CACNA2D4: variants seen among roughly 807,000 people sequenced by gnomAD.
CACNA2D4 encodes the protein calcium voltage-gated channel auxiliary subunit alpha2delta 4.
Under a neutral mutation model 163.8 loss-of-function variants are expected in CACNA2D4, and 157 were observed. The observed-to-expected ratio is 0.96, with a 90% CI of 0.84 to 1.09. The LOEUF (loss-of-function observed/expected upper bound fraction) is 1.09, where lower values mean the gene tolerates loss of function less well. Ranked by LOEUF, CACNA2D4 falls within the 50% of genes least tolerant of loss-of-function variation. The pLI is 0.00. For missense variants in CACNA2D4, 1,410 were observed against 1,479.9 expected (o/e 0.95, Z 0.78); for synonymous variants, 598 against 586.9 (o/e 1.02, Z -0.27).
rs758168 is a variant in CACNA2D4 at position 1,799,266 on chromosome 12, C to T, written c.2995+409G>A. Among the ~76,000 whole-genome samples the T allele has an allele frequency of 0.57, 87,266 of 152,026 alleles. 26,312 individuals carry two copies. Among genetic ancestry groups the T allele is most frequent in the Non-Finnish European group, 0.69 (46,689 of 67,960 alleles). ...GACTCTGTCCTCAGACACAGGGTCCCGCAGGGGAATCATCCTGAGAGCTTC... is the reference window on the plus strand; with the variant it reads ...GACTCTGTCCTCAGACACAGGGTCCTGCAGGGGAATCATCCTGAGAGCTTC... On this transcript the variant is annotated intron_variant, in intron 34 of 37. Transcript: ENST00000382722. The surrounding 1 kb of genome is among the most constrained non-coding windows in gnomAD (Gnocchi z 4.7).
Position 1,829,344 on chromosome 12 carries a change from G to A in CACNA2D4, c.2551+11395C>T, listed in dbSNP as rs77732151. ...AAGAATGCTGATTTTCAAATGGCTT[G>A]GGGTGGTGGTATGGGGCTGGCTGAT... On this transcript the variant is annotated intron_variant, in intron 26 of 37. Coordinates refer to ENST00000382722, the MANE Select transcript of CACNA2D4 (RefSeq NM_172364.5). This position sits in a 1 kb window ranked among gnomAD's most constrained non-coding sequence, Gnocchi z 4.2. Among the ~76,000 whole-genome samples the A allele has an allele frequency of 0.053, 8,109 of 152,224 alleles. 283 individuals carry two copies. The highest frequency in any genetic ancestry group is 0.089 in the Admixed American group (1,365 of 15,288).
Position 1,886,253 on chromosome 12 carries a change from C to T in CACNA2D4, c.963G>A (p.Leu321=), listed in dbSNP as rs557264328. The T allele has an allele frequency of 1.1e-5, 18 of 1,613,396 alleles. No homozygotes were observed. In the South Asian group the frequency reaches 1.9e-4, roughly 17 times the overall value. ...KHTITTILDT[L]GENDFINIIA... is the part of the protein sequence containing the mutation. ...TGATATTAATGAAGTCATTCTCCCCCAGGGTGTCCAAGATGGTGGTGATGG... is the reference window on the plus strand; with the variant it reads ...TGATATTAATGAAGTCATTCTCCCCTAGGGTGTCCAAGATGGTGGTGATGG... The change falls in exon 8 of 38, where the codon CTG becomes CTA. Residue 321 remains leucine (L), a synonymous_variant. Coordinates refer to ENST00000382722, the MANE Select transcript of CACNA2D4 (RefSeq NM_172364.5).
At chr12:1,904,491 T>A (rs550276925) in intron 6 of CACNA2D4, among the ~76,000 whole-genome samples, 2 of 152,002 alleles carry the variant, frequency 1.3e-5, no homozygotes, top group East Asian at 3.9e-4. Context: ...CATAAATATA[T>A]ATACACATAC....
chr12:1,881,067 G>A (rs149807721), intron 13 of CACNA2D4, among the ~76,000 whole-genome samples: 9 of 152,304 alleles, frequency 5.9e-5, no homozygotes, highest in Non-Finnish European at 1.2e-4. Context: ...AGAGGGTTCC[G>A]AAGTGGGTCC....
intron 18 of CACNA2D4, among the ~76,000 whole-genome samples, chr12:1,860,475 C>T (rs949394733): frequency 2.6e-5 from 4 of 152,258 alleles, no homozygotes; most frequent in Non-Finnish European, 5.9e-5. Flanking sequence ...AGCCCCTAAG[C>T]AGCACTGAGC....
intron 3 of CACNA2D4, among the ~76,000 whole-genome samples, chr12:1,910,440 C>G (rs1394379025): frequency 7.2e-6 from 1 of 138,706 alleles, no homozygotes; most frequent in African/African-American, 2.8e-5. Context: ...ACCCAATCTA[C>G]CATGGATGCA....
chr12:1,831,286 C>T (rs748621254), intron 26 of CACNA2D4: 128 of 1,613,598 alleles, frequency 7.9e-5, no homozygotes, highest in Non-Finnish European at 1.0e-4. Context: ...CGGCACTCGC[C>T]GCTGCTCCGC....
At chr12:1,852,464 G>A (rs1014202106) in intron 23 of CACNA2D4, among the ~76,000 whole-genome samples, 1 of 152,114 alleles carries the variant, frequency 6.6e-6, no homozygotes, top group African/African-American at 2.4e-5. Flanking sequence ...GAGGCCAGGA[G>A]TTCAAGACCA....
chr12:1,822,592 G>A (rs1220721834), intron 26 of CACNA2D4, among the ~76,000 whole-genome samples: 1 of 152,240 alleles, frequency 6.6e-6, no homozygotes, highest in African/African-American at 2.4e-5. Context: ...CAGAGGGTCT[G>A]TTTGAGATTG....
chr12:1,797,395 G>A, intron 35 of CACNA2D4, 23 bp downstream of exon 35: 1 of 1,491,452 alleles, frequency 6.7e-7, no homozygotes, highest in Non-Finnish European at 9.0e-7. Context: ...GGCGGGACGG[G>A]CGGCGCCGCC....
chr12:1,793,506 C>A lies in CACNA2D4; in HGVS notation c.*149G>T. On this transcript the variant is annotated 3_prime_UTR_variant, in exon 38 of 38. Transcript: ENST00000382722. ...GTTTCCTGTTCCATCCAGCATTCTC[C>A]GGAGCCAGGGGCCACCAGCCCAGGA... 1.4e-6 allele frequency: 1 copy of A among 705,326 alleles called. No individual in the cohort carries two copies. 43.7% of individuals were successfully genotyped at this position (705,326 alleles called of 1,614,324 possible).
chr12:1,795,478 G>T, intron 36 of CACNA2D4, 97 bp from the exon 37 acceptor site: 1 of 1,209,134 alleles, frequency 8.3e-7, no homozygotes, highest in Non-Finnish European at 1.2e-6. Context: ...GCCACCAGTT[G>T]CCCTGCAAGC....
At chr12:1,845,620 G>A (rs1321473761) in intron 24 of CACNA2D4, among the ~76,000 whole-genome samples, 1 of 152,128 alleles carries the variant, frequency 6.6e-6, no homozygotes, top group African/African-American at 2.4e-5. Flanking sequence ...CCAGGTGCCT[G>A]AAGGTCCTCA....
intron 6 of CACNA2D4, among the ~76,000 whole-genome samples, chr12:1,896,654 C>CACACAAAAAA (rs1555186444): frequency 2.5e-4 from 31 of 123,902 alleles, no homozygotes; most frequent in African/African-American, 8.3e-4. Flanking sequence ...CACACACACA[C>CACACAAAAAA]AAAACAGATG....
intron 9 of CACNA2D4, among the ~76,000 whole-genome samples, chr12:1,885,465 G>A (rs1478697447): frequency 5.3e-5 from 8 of 152,122 alleles, no homozygotes; most frequent in Non-Finnish European, 7.4e-5. Flanking sequence ...GCAGAGGCCC[G>A]GCTTCAAGAG....
At chr12:1,841,896 A>G (rs1448655502) in intron 25 of CACNA2D4, among the ~76,000 whole-genome samples, 2 of 152,132 alleles carry the variant, frequency 1.3e-5, no homozygotes, top group Non-Finnish European at 2.9e-5. Context: ...GGAACTTCCA[A>G]TATGTAAGGT....
chr12:1,800,508 G>T, intron 31 of CACNA2D4, 70 bp from the exon 32 acceptor site: 2 of 1,482,486 alleles, frequency 1.3e-6, no homozygotes, highest in Non-Finnish European at 9.4e-7. Context: ...CCCACCACCA[G>T]CACCACCCTC....
chr12:1,909,542 T>C (rs1231766542), intron 4 of CACNA2D4, among the ~76,000 whole-genome samples: 1 of 152,210 alleles, frequency 6.6e-6, no homozygotes, highest in African/African-American at 2.4e-5. Context: ...AAAGGCCCTT[T>C]TCCAGGCCCT....
chr12:1,895,476 C>A (rs1181926691), intron 6 of CACNA2D4, among the ~76,000 whole-genome samples: 1 of 152,150 alleles, frequency 6.6e-6, no homozygotes, highest in Non-Finnish European at 1.5e-5. Context: ...GGAGGCATCA[C>A]ACTGCCTGAC....
Sources: gnomAD v4.1 joint callset for allele counts (sites outside exome capture counted in the v4.1 genomes callset) on GRCh38, gnomAD v4.1.1 for gene constraint, Gnocchi (gnomAD v3.1) non-coding constraint, MANE v1.5 for transcripts, NCBI Gene and HGNC (gene_info 2026-07-23, HGNC 2026-07-21) for gene names.